The following CENPC variants were observed in gnomAD, a reference collection of about 807,000 sequenced individuals.
CENPC encodes the protein centromere protein C.
A neutral mutation model predicts 112.1 loss-of-function variants in CENPC; 63 were observed. The observed-to-expected ratio is 0.56, with a 90% CI of 0.46 to 0.69. CENPC has a LOEUF of 0.69. Ranked by LOEUF, CENPC falls within the 30% of genes least tolerant of loss-of-function variation. The pLI is 0.00. For missense variants in CENPC, 1,000 were observed against 1,103.8 expected (o/e 0.91, Z 1.33); for synonymous variants, 333 against 367.6 (o/e 0.91, Z 1.08).
chr4:67,468,984 A>G lies in CENPC; in HGVS notation c.*3621T>C, dbSNP rs1577964810. ...TACAGAGATGAAGAACAAATTAGTGATGATGAAACAGTTCTATGTTGATTG... is the reference window on the plus strand; with the variant it reads ...TACAGAGATGAAGAACAAATTAGTGGTGATGAAACAGTTCTATGTTGATTG... On this transcript the variant is annotated 3_prime_UTR_variant, in exon 19 of 19. Coordinates refer to ENST00000273853, the MANE Select transcript of CENPC (RefSeq NM_001812.4). 3 of 152,368 alleles carry G rather than the reference A, an allele frequency of 2.0e-5. No homozygotes were observed. The highest frequency in any genetic ancestry group is 2.0e-4 in the Admixed American group (3 of 15,312). The allele number at this position is 152,368 out of a possible 1,614,324, so 9.4% of individuals were successfully genotyped here.
At chr4:67,484,086 G>A (rs890206470) in intron 17 of CENPC, among the ~76,000 whole-genome samples, 1 of 152,292 alleles carries the variant, frequency 6.6e-6, no homozygotes, top group South Asian at 2.1e-4. Flanking sequence ...ACCACTTCCA[G>A]TCCTGAAAGC....
At chr4:67,525,444 C>T (rs1000228827) in intron 5 of CENPC, among the ~76,000 whole-genome samples, 4 of 152,092 alleles carry the variant, frequency 2.6e-5, no homozygotes, top group African/African-American at 9.7e-5. Flanking sequence ...CCAGAATCTA[C>T]AAGAAACTTA....
chr4:67,508,543 C>T (rs148787750), intron 10 of CENPC, among the ~76,000 whole-genome samples: 1,460 of 122,756 alleles, frequency 0.012, 9 homozygotes, highest in Non-Finnish European at 0.018. Flanking sequence ...AAAAGTTTAA[C>T]TCTTGGATGA....
chr4:67,474,860 G>A (rs1466753584), intron 18 of CENPC, 28 bp downstream of exon 18: 3 of 1,338,810 alleles, frequency 2.2e-6, no homozygotes, highest in East Asian at 2.4e-5. Context: ...CTATATACAT[G>A]TTGTCTAAGT....
chr4:67,541,390 TAC>T (rs1459998920), intron 2 of CENPC, among the ~76,000 whole-genome samples: 2 of 152,232 alleles, frequency 1.3e-5, no homozygotes, highest in African/African-American at 4.8e-5. Context: ...TAACAGACTT[TAC>T]AGTCACATCT....
intron 10 of CENPC, among the ~76,000 whole-genome samples, chr4:67,508,137 T>C (rs1051040894): frequency 6.6e-6 from 1 of 152,188 alleles, no homozygotes; most frequent in African/African-American, 2.4e-5. Flanking sequence ...AGTATTAAGC[T>C]ATATTCCTAA....
chr4:67,515,635 T>C (rs1463975094), intron 7 of CENPC, among the ~76,000 whole-genome samples: 1 of 151,994 alleles, frequency 6.6e-6, no homozygotes, highest in African/African-American at 2.4e-5. Context: ...CCTACAGAAC[T>C]ATAAAATAAT....
intron 4 of CENPC, among the ~76,000 whole-genome samples, chr4:67,536,251 A>G (rs2109831670): frequency 6.6e-6 from 1 of 152,282 alleles, no homozygotes; most frequent in East Asian, 1.9e-4. Flanking sequence ...AAAATTATAA[A>G]ATGTCAAAAC....
chr4:67,520,389 T>C (rs1287465972), intron 5 of CENPC, among the ~76,000 whole-genome samples: 1 of 152,116 alleles, frequency 6.6e-6, no homozygotes, highest in Non-Finnish European at 1.5e-5. Context: ...AACATTTTGA[T>C]CCACTGATAG....
chr4:67,495,422 A>G (rs1263710866), intron 12 of CENPC, among the ~76,000 whole-genome samples: 2 of 152,194 alleles, frequency 1.3e-5, no homozygotes, highest in Non-Finnish European at 2.9e-5. Flanking sequence ...AATACATTGC[A>G]AGTTTGTCCA....
At chr4:67,529,384 G>A (rs939002139) in intron 5 of CENPC, among the ~76,000 whole-genome samples, 2 of 152,100 alleles carry the variant, frequency 1.3e-5, no homozygotes, top group African/African-American at 4.8e-5. Flanking sequence ...GAGTGCAGTG[G>A]CGCAATCTTC....
chr4:67,507,555 C>T (rs1725770993), intron 10 of CENPC, among the ~76,000 whole-genome samples: 2 of 152,088 alleles, frequency 1.3e-5, no homozygotes, highest in Non-Finnish European at 2.9e-5. Context: ...CACAAATTAT[C>T]AAAATTGATT....
chr4:67,527,397 T>TA (rs1401667660), intron 5 of CENPC, among the ~76,000 whole-genome samples: 1 of 149,240 alleles, frequency 6.7e-6, no homozygotes, highest in African/African-American at 2.5e-5. Flanking sequence ...CCCAACCCTA[T>TA]AAAAAACATC....
chr4:67,518,620 T>A (rs377595868), intron 6 of CENPC, among the ~76,000 whole-genome samples: 2 of 152,212 alleles, frequency 1.3e-5, no homozygotes, highest in South Asian at 2.1e-4. Context: ...CAATGAAATG[T>A]ATAGCTAGGC....
intron 12 of CENPC, among the ~76,000 whole-genome samples, chr4:67,504,101 A>G (rs1008829204): frequency 6.7e-6 from 1 of 149,258 alleles, no homozygotes; most frequent in Non-Finnish European, 1.5e-5. Context: ...GCAAAAAAAA[A>G]AAAAAAAAAG....
At chr4:67,486,510 G>C (rs1015413261) in intron 17 of CENPC, among the ~76,000 whole-genome samples, 1 of 152,192 alleles carries the variant, frequency 6.6e-6, no homozygotes, top group Admixed American at 6.5e-5. Flanking sequence ...GTGATTGGTT[G>C]ATCTGTTTCT....
intron 17 of CENPC, 117 bp from the exon 18 acceptor site, chr4:67,475,095 C>A: frequency 1.6e-6 from 1 of 631,736 alleles, no homozygotes; most frequent in Non-Finnish European, 2.8e-6. Flanking sequence ...GCTTTAATCT[C>A]CAGAACTTGT....
intron 12 of CENPC, among the ~76,000 whole-genome samples, chr4:67,497,985 CTT>C (rs908660284): frequency 1.3e-5 from 2 of 152,030 alleles, no homozygotes; most frequent in African/African-American, 2.4e-5. Context: ...AATCCCAAGA[CTT>C]TGGGAGGCCC....
Position 67,508,899 on chromosome 4 carries a change from C to T in CENPC, c.1819G>A (p.Asp607Asn). ...AEGSGGIVGH[D>N]EISRCSLSEP... ...CTCAGCGAACATCTGGAAATTTCATCATGACCAACGATACCTCCAGAACCT... is the reference window on the plus strand; with the variant it reads ...CTCAGCGAACATCTGGAAATTTCATTATGACCAACGATACCTCCAGAACCT... Residue 607 changes from aspartate (D) to asparagine (N), a missense_variant, in exon 10 of 19, where the codon GAT (aspartate) becomes AAT (asparagine). Physicochemically the swap from Asp to Asn is conservative, Grantham distance 23. Transcript: ENST00000273853. 6.2e-7 allele frequency: 1 copy of T among 1,613,724 alleles called. No individual in the cohort carries two copies. The highest frequency in any genetic ancestry group is 8.5e-7 in the Non-Finnish European group (1 of 1,179,754).
Sources: allele counts gnomAD v4.1 joint callset (sites outside exome capture counted in the v4.1 genomes callset), GRCh38; gene constraint gnomAD v4.1.1; transcripts MANE v1.5; gene names NCBI Gene and HGNC (gene_info 2026-07-23, HGNC 2026-07-21).